The following SHC3 variants were observed in gnomAD, a reference collection of about 807,000 sequenced individuals.
SHC3 encodes SHC adaptor protein 3.
Under a neutral mutation model 60.4 loss-of-function variants are expected in SHC3, and 15 were observed. The observed-to-expected ratio is 0.25, with a 90% confidence interval of 0.17 to 0.38. The LOEUF (loss-of-function observed/expected upper bound fraction) is 0.38, where lower values mean the gene tolerates loss of function less well. SHC3 is among the 10% of genes least tolerant of loss of function. The pLI is 1.00. For synonymous variants in SHC3, 294 were observed against 325.9 expected (o/e 0.90, Z 1.05); for missense variants, 677 against 786.1 (o/e 0.86, Z 1.66).
intron 6 of SHC3, among the ~76,000 whole-genome samples, chr9:89,056,025 C>T (rs1258713554): frequency 6.6e-6 from 1 of 152,210 alleles, no homozygotes; most frequent in Admixed American, 6.5e-5. Flanking sequence ...CTCTGTCAGT[C>T]AGTATCTCAA....
chr9:89,052,195 G>A, intron 6 of SHC3, 32 bp from the exon 7 acceptor site: 6 of 1,611,068 alleles, frequency 3.7e-6, no homozygotes, highest in Non-Finnish European at 5.1e-6. Context: ...GCCTATTAGA[G>A]ACAGACACTG....
chr9:89,047,141 C>A, intron 7 of SHC3, 147 bp from the exon 8 acceptor site: 1 of 665,824 alleles, frequency 1.5e-6, no homozygotes, highest in Admixed American at 4.0e-5. Flanking sequence ...AGATGAAAAG[C>A]AGATGAGTGG....
At chr9:89,028,895 T>G (rs1265473508) in intron 11 of SHC3, among the ~76,000 whole-genome samples, 1 of 147,892 alleles carries the variant, frequency 6.8e-6, no homozygotes, top group Non-Finnish European at 1.5e-5. Flanking sequence ...ATAATCTATA[T>G]CTATTAATCT....
At position 89,075,139 on chromosome 9, in the gene SHC3, A is replaced by C; in HGVS notation, c.699T>G (p.Ser233Arg). The C allele has an allele frequency of 6.2e-7, 1 of 1,614,122 alleles. No individual in the cohort carries two copies. The highest frequency in any genetic ancestry group is 1.3e-5 in the African/African-American group (1 of 75,038). ...MSISLTISTASLNLRTPDSKQ... is the reference protein window; with the variant it reads ...MSISLTISTARLNLRTPDSKQ... ...TGGAGTCCGGAGTTCGCAGGTTCAG[A>C]CTGGCCGTGGAGATGGTCAGAGAGA... Residue 233 changes from serine (S) to arginine (R), a missense_variant, in exon 4 of 12, where the codon AGT becomes AGG. By Grantham distance (110) the Ser-to-Arg change is moderately radical. Transcript: ENST00000375835.
At chr9:89,146,313 C>T (rs1001031407) in intron 1 of SHC3, among the ~76,000 whole-genome samples, 6 of 151,598 alleles carry the variant, frequency 4.0e-5, no homozygotes, top group Non-Finnish European at 8.8e-5. Flanking sequence ...GCTGAGATCG[C>T]GCCACTGCAC....
chr9:89,130,615 T>G (rs1826230424), intron 1 of SHC3, among the ~76,000 whole-genome samples: 1 of 152,094 alleles, frequency 6.6e-6, no homozygotes, highest in African/African-American at 2.4e-5. Flanking sequence ...AGAAACTCAC[T>G]CAAAACTGCT....
intron 5 of SHC3, among the ~76,000 whole-genome samples, chr9:89,068,660 A>T (rs1033160040): frequency 1.3e-5 from 2 of 151,520 alleles, no homozygotes; most frequent in Non-Finnish European, 1.5e-5. Flanking sequence ...AATGTTTCCA[A>T]TTTTTTTTAA....
chr9:89,105,513 A>G (rs970119318), intron 2 of SHC3, among the ~76,000 whole-genome samples: 3 of 152,206 alleles, frequency 2.0e-5, no homozygotes, highest in Non-Finnish European at 2.9e-5. Flanking sequence ...GCATGTTCAT[A>G]TGGTTCACCT....
intron 1 of SHC3, among the ~76,000 whole-genome samples, chr9:89,170,359 A>G (rs1360165812): frequency 6.6e-6 from 1 of 152,232 alleles, no homozygotes; most frequent in East Asian, 1.9e-4. Flanking sequence ...AAAGATGCAT[A>G]TGTCGGCCTG....
Position 89,012,154 on chromosome 9 carries a change from G to C in SHC3, c.*1293C>G, listed in dbSNP as rs1564071413. On this transcript the variant is annotated 3_prime_UTR_variant, in exon 12 of 12. Coordinates refer to ENST00000375835, the MANE Select transcript of SHC3 (RefSeq NM_016848.6). ...AAATGGATCCATCTATTCTTTAAAG[G>C]GCATCTGTGAAAATCACAGGGCAAT... is the stretch of plus-strand genomic sequence containing the variant. 1 of 152,088 alleles carries C rather than the reference G, an allele frequency of 6.6e-6. No individual in the cohort carries two copies. The highest frequency in any genetic ancestry group is 1.5e-5 in the Non-Finnish European group (1 of 68,050). 9.4% of individuals were successfully genotyped at this position (152,088 alleles called of 1,614,324 possible).
rs1826015724 is a variant in SHC3, at chr9:89,011,754, A to G, written c.*1693T>C. 3 of 152,246 alleles carry G rather than the reference A, an allele frequency of 2.0e-5. No homozygotes were observed. The highest frequency in any genetic ancestry group is 7.2e-5 in the African/African-American group (3 of 41,436). 9.4% of individuals were successfully genotyped at this position (152,246 alleles called of 1,614,324 possible). A position where few individuals can be genotyped will look rare whatever the true frequency, so the allele number is the denominator to read the frequency against. On this transcript the variant is annotated 3_prime_UTR_variant, in exon 12 of 12. Coordinates refer to ENST00000375835, the MANE Select transcript of SHC3 (RefSeq NM_016848.6). ...CTCCAGAGTTTCAATCCACTGCAGA[A>G]CATTCTAGAACACTGACTTCACTGT...
chr9:89,082,691 G>A (rs1825464590), intron 2 of SHC3, among the ~76,000 whole-genome samples: 1 of 152,148 alleles, frequency 6.6e-6, no homozygotes, highest in Non-Finnish European at 1.5e-5. Context: ...GCCCTTTGTA[G>A]GAGGGCCAGC....
rs944417232 is a variant in SHC3, at chr9:89,126,038, T to C, written c.475-13412A>G. ...GATCCAAGAACCCTCTCTTGGGATC[T>C]GGATCAGGACCACGTTCAGGCAACA... On this transcript the variant is annotated intron_variant, in intron 1 of 11. Transcript: ENST00000375835. 2.0e-5 allele frequency among the ~76,000 whole-genome samples: 3 copies of C among 152,198 alleles called. No individual in the cohort carries two copies. In the East Asian group the frequency reaches 5.8e-4, roughly 29 times the overall value.
chr9:89,102,901 C>G (rs1220519835), intron 2 of SHC3, among the ~76,000 whole-genome samples: 1 of 152,148 alleles, frequency 6.6e-6, no homozygotes, highest in Non-Finnish European at 1.5e-5. Context: ...ATCAAAGTCT[C>G]CAGATGAATA....
chr9:89,142,758 C>T (rs1826412791), intron 1 of SHC3, among the ~76,000 whole-genome samples: 1 of 151,880 alleles, frequency 6.6e-6, no homozygotes, highest in Non-Finnish European at 1.5e-5. Flanking sequence ...TGGCCTCTAA[C>T]CCAATCCCAT....
intron 6 of SHC3, among the ~76,000 whole-genome samples, chr9:89,059,985 T>C (rs117472627): frequency 7.0e-6 from 1 of 142,678 alleles, no homozygotes; most frequent in East Asian, 2.2e-4. Context: ...GAGGATTTAG[T>C]GGTGGACATG....
intron 1 of SHC3, among the ~76,000 whole-genome samples, chr9:89,141,765 C>T (rs1054442154): frequency 6.6e-6 from 1 of 152,138 alleles, no homozygotes; most frequent in South Asian, 2.1e-4. Flanking sequence ...TTAATCCAAC[C>T]TCTGACCAGC....
At chr9:89,024,613 G>A (rs183917957) in intron 11 of SHC3, among the ~76,000 whole-genome samples, 18 of 152,364 alleles carry the variant, frequency 1.2e-4, no homozygotes, top group Admixed American at 7.8e-4. Context: ...TCACAGGACC[G>A]TTTTCAGAAT....
chr9:89,071,075 G>A (rs1050360544), intron 5 of SHC3, 124 bp downstream of exon 5: 10 of 780,466 alleles, frequency 1.3e-5, no homozygotes, highest in Admixed American at 2.7e-5. Flanking sequence ...AAATCAGGAG[G>A]GGGAAATTAG....
Sources: allele counts gnomAD v4.1 joint callset (sites outside exome capture counted in the v4.1 genomes callset), GRCh38; gene constraint gnomAD v4.1.1; transcripts MANE v1.5; gene names NCBI Gene and HGNC (gene_info 2026-07-23, HGNC 2026-07-21).